The following GRID2 variants were observed in gnomAD, a reference collection of about 807,000 sequenced individuals.
GRID2 encodes the protein glutamate ionotropic receptor delta type subunit 2.
In GRID2, 33 loss-of-function variants were observed where a neutral mutation model predicts 114.8. That is an observed-to-expected ratio of 0.29 (90% CI 0.22 to 0.38). GRID2 has a LOEUF of 0.38. Ranked by LOEUF, GRID2 falls within the 10% of genes least tolerant of loss-of-function variation. GRID2 has a pLI of 1.00. For missense variants in GRID2, 1,184 were observed against 1,257.7 expected (o/e 0.94, Z 0.89); for synonymous variants, 505 against 449.9 (o/e 1.12, Z -1.55).
At chr4:93,548,170 C>A (rs971118328) in intron 13 of GRID2, among the ~76,000 whole-genome samples, 2 of 151,662 alleles carry the variant, frequency 1.3e-5, no homozygotes, top group African/African-American at 4.8e-5. Context: ...GAGTGAGACA[C>A]CATCTCAATT....
At chr4:93,308,656 A>G (rs1166328822) in intron 8 of GRID2, among the ~76,000 whole-genome samples, 2 of 152,338 alleles carry the variant, frequency 1.3e-5, no homozygotes, top group Admixed American at 1.3e-4. Flanking sequence ...GAAAGGAAAA[A>G]CAGAAAAATA....
chr4:93,728,803 T>G (rs1329677750), intron 14 of GRID2, among the ~76,000 whole-genome samples: 2 of 152,138 alleles, frequency 1.3e-5, no homozygotes, highest in African/African-American at 4.8e-5. Context: ...AGACTAGGAT[T>G]GCAACCCCTG....
intron 10 of GRID2, among the ~76,000 whole-genome samples, chr4:93,444,903 G>A (rs1312288248): frequency 6.6e-6 from 1 of 151,980 alleles, no homozygotes. Context: ...TACATATGAG[G>A]AAATGTAGCG....
intron 8 of GRID2, among the ~76,000 whole-genome samples, chr4:93,336,449 C>T (rs776917819): frequency 1.4e-4 from 21 of 152,190 alleles, no homozygotes; most frequent in African/African-American, 2.2e-4. Flanking sequence ...GGTTCTACAA[C>T]GAATATCTAG....
At chr4:93,282,907 G>A (rs1211389834) in intron 8 of GRID2, among the ~76,000 whole-genome samples, 1 of 151,824 alleles carries the variant, frequency 6.6e-6, no homozygotes. Flanking sequence ...TGAGAGTGGA[G>A]GTGCCACACT....
chr4:92,879,414 C>T (rs993989684), intron 2 of GRID2, among the ~76,000 whole-genome samples: 1 of 152,100 alleles, frequency 6.6e-6, no homozygotes, highest in Non-Finnish European at 1.5e-5. Flanking sequence ...ACATCTAAGC[C>T]CACAATAAAC....
At chr4:93,136,056 C>T (rs1235396093) in intron 4 of GRID2, among the ~76,000 whole-genome samples, 2 of 152,004 alleles carry the variant, frequency 1.3e-5, no homozygotes, top group Non-Finnish European at 2.9e-5. Flanking sequence ...CATAATAACC[C>T]CACAGGATAA....
At chr4:92,446,991 G>A (rs1390867914) in intron 1 of GRID2, among the ~76,000 whole-genome samples, 1 of 152,162 alleles carries the variant, frequency 6.6e-6, no homozygotes, top group South Asian at 2.1e-4. Context: ...CAGCTAGTCA[G>A]CAAGGGTTCA....
intron 6 of GRID2, among the ~76,000 whole-genome samples, chr4:93,220,267 G>A (rs1744723624): frequency 6.6e-6 from 1 of 151,698 alleles, no homozygotes; most frequent in African/African-American, 2.4e-5. Flanking sequence ...TTTAGATTGG[G>A]AGAATGTCAT....
At chr4:93,404,886 A>G (rs565767548) in intron 9 of GRID2, among the ~76,000 whole-genome samples, 1 of 152,216 alleles carries the variant, frequency 6.6e-6, no homozygotes, top group East Asian at 1.9e-4. Context: ...AAATTCAAAT[A>G]TTTTCTGAAG....
chr4:92,709,324 T>G (rs889364572), intron 2 of GRID2, among the ~76,000 whole-genome samples: 1 of 152,042 alleles, frequency 6.6e-6, no homozygotes, highest in Non-Finnish European at 1.5e-5. Flanking sequence ...AGTAAATATT[T>G]AATAACAACA....
At chr4:93,336,092 A>G (rs1184695733) in intron 8 of GRID2, among the ~76,000 whole-genome samples, 2 of 152,212 alleles carry the variant, frequency 1.3e-5, no homozygotes, top group East Asian at 1.9e-4. Context: ...AAGTTTAAAC[A>G]GCTATTAACA....
intron 1 of GRID2, among the ~76,000 whole-genome samples, chr4:92,310,439 A>G (rs1579158106): frequency 6.6e-6 from 1 of 152,158 alleles, no homozygotes; most frequent in East Asian, 1.9e-4. Flanking sequence ...GGAAAATTAA[A>G]TGATTAGACA....
intron 1 of GRID2, among the ~76,000 whole-genome samples, chr4:92,468,077 G>T (rs938871716): frequency 6.6e-6 from 1 of 151,808 alleles, no homozygotes; most frequent in Non-Finnish European, 1.5e-5. Context: ...CATACTAAGA[G>T]GGATGCTATC....
chr4:92,731,741 C>T (rs1174899359), intron 2 of GRID2, among the ~76,000 whole-genome samples: 1 of 151,810 alleles, frequency 6.6e-6, no homozygotes, highest in Non-Finnish European at 1.5e-5. Flanking sequence ...CATTTGTTCT[C>T]TTGTAAAAAG....
chr4:93,800,205 G>A (rs1281757431), intron 1 of GRID2, among the ~76,000 whole-genome samples: 1 of 152,182 alleles, frequency 6.6e-6, no homozygotes, highest in Non-Finnish European at 1.5e-5. Context: ...TATATGATAT[G>A]ACAATCAGCA....
intron 8 of GRID2, among the ~76,000 whole-genome samples, chr4:93,257,840 G>A (rs542532469): frequency 4.5e-4 from 68 of 150,798 alleles, no homozygotes; most frequent in African/African-American, 1.5e-3. Flanking sequence ...CTTCAGCAAC[G>A]CATAGGAATA....
intron 2 of GRID2, among the ~76,000 whole-genome samples, chr4:92,615,677 A>C (rs1333155539): frequency 2.0e-5 from 3 of 151,520 alleles, no homozygotes; most frequent in Non-Finnish European, 4.4e-5. Context: ...ATACCTCATC[A>C]TATTATTCTG....
chr4:93,684,882 T>G (rs1725935644), intron 14 of GRID2, among the ~76,000 whole-genome samples: 1 of 152,086 alleles, frequency 6.6e-6, no homozygotes, highest in Admixed American at 6.6e-5. Context: ...CAAGCAAAAC[T>G]CTTTATCATA....
Sources: allele counts gnomAD v4.1 joint callset (sites outside exome capture counted in the v4.1 genomes callset), GRCh38; gene constraint gnomAD v4.1.1; transcripts MANE v1.5; gene names NCBI Gene and HGNC (gene_info 2026-07-23, HGNC 2026-07-21).